HPSE2: variants seen among roughly 807,000 people sequenced by gnomAD.
HPSE2 encodes the protein inactive heparanase-2.
In HPSE2, 38 loss-of-function variants were observed where a neutral mutation model predicts 60.5. That is an observed-to-expected ratio of 0.63 (90% CI 0.48 to 0.82). The LOEUF is 0.82. HPSE2 is among the 40% of genes least tolerant of loss of function. HPSE2 has a pLI of 0.00. For synonymous variants in HPSE2, 295 were observed against 293.2 expected, an observed-to-expected ratio of 1.01 and a Z score of -0.06; for missense variants, 713 against 740.4, an observed-to-expected ratio of 0.96 and a Z score of 0.43.
rs144345363 is a variant in HPSE2 at position 99,182,813 on chromosome 10, G to A, written c.449-38414C>T. 2.3e-3 allele frequency among the ~76,000 whole-genome samples: 352 copies of A among 151,992 alleles called. 1 individual carries two copies. Among genetic ancestry groups the A allele is most frequent in the African/African-American group, 8.0e-3 (331 of 41,454 alleles). ...AGATCGAGACCATCCTGGCCAACAT[G>A]GTGAAACCCTGTCTCTACTAAAAAT... On this transcript the variant is annotated intron_variant, in intron 2 of 11. Coordinates refer to ENST00000370552, the MANE Select transcript of HPSE2 (RefSeq NM_021828.5).
chr10:98,698,650 C>G (rs1286328997), intron 5 of HPSE2, among the ~76,000 whole-genome samples: 3 of 151,994 alleles, frequency 2.0e-5, no homozygotes, highest in African/African-American at 7.2e-5. Flanking sequence ...CAGAGCAGAA[C>G]TGAAGGAAAT....
At chr10:99,305,979 GCACACACACACA>G in the HPSE2 span, among the ~76,000 whole-genome samples, 3 of 80,588 alleles carry the variant, frequency 3.7e-5, no homozygotes, top group South Asian at 5.8e-4. Context: ...GCGCGCGCGC[GCACACACACACA>G]CACACACACA....
chr10:99,163,819 G>A (rs957798712), intron 2 of HPSE2, among the ~76,000 whole-genome samples: 3 of 151,560 alleles, frequency 2.0e-5, no homozygotes, highest in Non-Finnish European at 2.9e-5. Flanking sequence ...TCAGTTTTAG[G>A]TAGAATATCC....
intron 9 of HPSE2, among the ~76,000 whole-genome samples, chr10:98,546,735 T>C (rs1192504708): frequency 2.7e-5 from 4 of 150,788 alleles, no homozygotes; most frequent in African/African-American, 9.7e-5. Flanking sequence ...ATTCAGGACA[T>C]AGGCATGGGC....
intron 3 of HPSE2, among the ~76,000 whole-genome samples, chr10:98,793,669 T>C (rs1243562306): frequency 1.3e-5 from 2 of 152,360 alleles, no homozygotes; most frequent in East Asian, 3.9e-4. Context: ...ATGTAATTGA[T>C]AATGTATGGA....
the HPSE2 span, among the ~76,000 whole-genome samples, chr10:99,281,997 T>C: frequency 2.0e-5 from 3 of 152,090 alleles, no homozygotes; most frequent in African/African-American, 2.4e-5. Flanking sequence ...CGGTGGCTCA[T>C]GCCTGTAATC....
At chr10:98,539,478 GC>G (rs1589386855) in intron 9 of HPSE2, among the ~76,000 whole-genome samples, 1 of 152,112 alleles carries the variant, frequency 6.6e-6, no homozygotes, top group East Asian at 1.9e-4. Context: ...CCCAGATCAC[GC>G]CATTGCACTC....
At chr10:99,183,836 G>A (rs1350883807) in intron 2 of HPSE2, among the ~76,000 whole-genome samples, 1 of 152,196 alleles carries the variant, frequency 6.6e-6, no homozygotes, top group Non-Finnish European at 1.5e-5. Context: ...TGGACAGCCA[G>A]ACTGAAAAGA....
chr10:99,244,093 G>T, the HPSE2 span, among the ~76,000 whole-genome samples: 1 of 152,010 alleles, frequency 6.6e-6, no homozygotes, highest in African/African-American at 2.4e-5. Flanking sequence ...TGTCACCCAG[G>T]CGGGACTGCA....
intron 9 of HPSE2, among the ~76,000 whole-genome samples, chr10:98,565,646 T>C (rs1433024949): frequency 2.6e-5 from 4 of 152,196 alleles, no homozygotes; most frequent in Admixed American, 6.5e-5. Flanking sequence ...TATGTGTGCA[T>C]GCGTCTTTAT....
the HPSE2 span, among the ~76,000 whole-genome samples, chr10:99,248,276 G>A: frequency 6.6e-6 from 1 of 152,214 alleles, no homozygotes; most frequent in Non-Finnish European, 1.5e-5. Flanking sequence ...ATGAAGTCCA[G>A]GCTGAGATGG....
chr10:98,994,171 T>A (rs1956591451), intron 3 of HPSE2, among the ~76,000 whole-genome samples: 1 of 152,168 alleles, frequency 6.6e-6, no homozygotes, highest in South Asian at 2.1e-4. Context: ...AGTGTTAAAC[T>A]CTGGAAATGA....
chr10:98,531,898 C>CCTAA (rs1943142407), intron 9 of HPSE2, among the ~76,000 whole-genome samples: 1 of 152,124 alleles, frequency 6.6e-6, no homozygotes, highest in Admixed American at 6.6e-5. Flanking sequence ...GATCATAATA[C>CCTAA]CTAAACTCAT....
chr10:98,958,942 CCT>C (rs1955578383), intron 3 of HPSE2, among the ~76,000 whole-genome samples: 2 of 151,962 alleles, frequency 1.3e-5, no homozygotes, highest in African/African-American at 4.8e-5. Flanking sequence ...GCTATGTGAC[CCT>C]GGCTAGTTCC....
the HPSE2 span, among the ~76,000 whole-genome samples, chr10:99,266,723 C>T: frequency 1.3e-5 from 2 of 152,174 alleles, no homozygotes; most frequent in African/African-American, 2.4e-5. Flanking sequence ...AAAACTACAA[C>T]TAAAAACCCT....
chr10:98,711,274 A>G (rs1386093466), intron 5 of HPSE2, among the ~76,000 whole-genome samples: 1 of 152,118 alleles, frequency 6.6e-6, no homozygotes, highest in Admixed American at 6.6e-5. Context: ...CCTGGTGAGA[A>G]GGAGGAAAAA....
At chr10:98,603,331 G>C (rs577355083) in intron 9 of HPSE2, among the ~76,000 whole-genome samples, 20 of 152,190 alleles carry the variant, frequency 1.3e-4, no homozygotes, top group Non-Finnish European at 2.6e-4. Flanking sequence ...ACCTCCAGGA[G>C]CTCAACCAGG....
chr10:98,737,945 TGA>T (rs1949400328), intron 4 of HPSE2, among the ~76,000 whole-genome samples: 1 of 152,222 alleles, frequency 6.6e-6, no homozygotes, highest in African/African-American at 2.4e-5. Flanking sequence ...AAGCTACCAT[TGA>T]CTTTCTTCAC....
At chr10:98,755,587 C>T (rs1318523936) in intron 3 of HPSE2, among the ~76,000 whole-genome samples, 1 of 152,168 alleles carries the variant, frequency 6.6e-6, no homozygotes. Context: ...TTGCACATGG[C>T]ACATGTTCTA....
Sources: gnomAD v4.1 joint callset for allele counts (sites outside exome capture counted in the v4.1 genomes callset) on GRCh38, gnomAD v4.1.1 for gene constraint, MANE v1.5 for transcripts, NCBI Gene and HGNC (gene_info 2026-07-23, HGNC 2026-07-21) for gene names.